Variants in ZNF335 observed in about 807,000 individuals in gnomAD.
ZNF335 encodes the protein zinc finger protein 335.
Under a neutral mutation model 145.6 loss-of-function variants are expected in ZNF335, and 84 were observed. The observed-to-expected ratio is 0.58, with a 90% CI of 0.48 to 0.69. The LOEUF is 0.69. Among genes scored for constraint, ZNF335 ranks in the 30% least tolerant of loss-of-function variants. ZNF335 has a pLI of 0.00. For missense variants in ZNF335, 1,865 were observed against 1,809.7 expected, an observed-to-expected ratio of 1.03 and a Z score of -0.55; for synonymous variants, 761 against 717.0, an observed-to-expected ratio of 1.06 and a Z score of -0.98.
intron 7 of ZNF335, 22 bp downstream of exon 7, chr20:45,965,606 C>T (rs2083936850): frequency 6.3e-7 from 1 of 1,583,592 alleles, no homozygotes; most frequent in Admixed American, 1.8e-5. Context: ...CCACACGAGC[C>T]CCTCCCAAGA....
At position 45,952,624 on chromosome 20, in the gene ZNF335, C is replaced by A. The variant is rs1568807883; in HGVS notation, c.2788G>T (p.Asp930Tyr). 1.2e-6 allele frequency: 2 copies of A among 1,613,978 alleles called. No homozygotes were observed. Among genetic ancestry groups the A allele is most frequent in the South Asian group, 1.1e-5 (1 of 91,078 alleles). Residue 930 changes from aspartate to tyrosine, a missense_variant, in exon 19 of 28, where the codon GAT (aspartate) becomes TAT (tyrosine). Coordinates refer to ENST00000322927, the MANE Select transcript of ZNF335 (RefSeq NM_022095.4). ...TCAATGTGGTGCAACTGGGTACCAT[C>A]AGTAGCCATGATGTAGTGGGTGCCA... ...EAGTHYIMAT[D>Y]GTQLHHIELT...
Position 45,968,370 on chromosome 20 carries a change from GA to G in ZNF335, c.443-9del. 1 of 1,608,138 alleles carries G rather than the reference GA, an allele frequency of 6.2e-7. No homozygotes were observed. On this transcript the variant is annotated splice_polypyrimidine_tract_variant and intron_variant, in intron 3 of 27. Coordinates refer to ENST00000322927, the MANE Select transcript of ZNF335 (RefSeq NM_022095.4). Reference sequence around the variant, plus strand: ...TGGTCACAGTGATGCAGTCTGGGCAGAGATGGGGAAGGGTCACACCTCCTGG... The same window carrying G: ...TGGTCACAGTGATGCAGTCTGGGCAGGATGGGGAAGGGTCACACCTCCTGG...
chr20:45,968,127 C>T, intron 4 of ZNF335, 100 bp from the exon 5 acceptor site: 1 of 1,541,500 alleles, frequency 6.5e-7, no homozygotes. Flanking sequence ...AGTGCAGAAC[C>T]AAATTCCCCA....
Position 45,959,419 on chromosome 20 carries a change from C to T in ZNF335, c.2035G>A (p.Ala679Thr), listed in dbSNP as rs776480511. 1.5e-5 allele frequency: 22 copies of T among 1,477,196 alleles called. No homozygotes were observed. In the Admixed American group the frequency reaches 2.5e-4, roughly 17 times the overall value. The allele number at this position is 1,477,196 out of a possible 1,614,324, so 91.5% of individuals were successfully genotyped here. A position where few individuals can be genotyped will look rare whatever the true frequency, so the allele number is the denominator to read the frequency against. Residue 679 changes from alanine to threonine, a missense_variant, in exon 15 of 28, where the codon GCC (alanine) becomes ACC (threonine). By Grantham distance (58) the Ala-to-Thr change is moderately conservative. Transcript: ENST00000322927. The stretch of plus-strand genomic sequence containing the variant: ...GTGCTGAAGTGGCAGTACTCACAGG[C>T]GAAGGGCTTGGCCCCTGGAGGCACA... ...AVKHTGAKPF[A>T]CEYCHFSTRH...
chr20:45,958,007 C>T (rs1165138094), intron 15 of ZNF335, 79 bp from the exon 16 acceptor site: 1 of 1,164,030 alleles, frequency 8.6e-7, no homozygotes, highest in Non-Finnish European at 1.3e-6. Flanking sequence ...CTCTGATCTG[C>T]CAGATGTTTT....
At position 45,952,383 on chromosome 20, in the gene ZNF335, C is replaced by T. The variant is rs79407773; in HGVS notation, c.2953G>A (p.Asp985Asn). Residue 985 changes from aspartate to asparagine, a missense_variant, in exon 20 of 28, where the codon GAC (aspartate) becomes AAC (asparagine). Physicochemically the swap from Asp to Asn is conservative, Grantham distance 23. Coordinates refer to ENST00000322927, the MANE Select transcript of ZNF335 (RefSeq NM_022095.4). ...GGTGAGGAGGCAGAGCTCTGGGAGTCCCCTACGCAGTGGGTCTTGGCTGGA... is the reference window on the plus strand; with the variant it reads ...GGTGAGGAGGCAGAGCTCTGGGAGTTCCCTACGCAGTGGGTCTTGGCTGGA... ...PSPAKTHCVG[D>N]SQSSASSPPA... The T allele has an allele frequency of 1.9e-6, 3 of 1,604,374 alleles. No homozygotes were observed. The highest frequency in any genetic ancestry group is 1.7e-6 in the Non-Finnish European group (2 of 1,174,084).
Position 45,950,417 on chromosome 20 carries a change from G to A in ZNF335, c.3332+36C>T, listed in dbSNP as rs762144927. The A allele has an allele frequency of 3.1e-6, 5 of 1,613,604 alleles. No homozygotes were observed. The South Asian group carries it at 5.5e-5, about 18-fold the overall frequency. On this transcript the variant is annotated intron_variant, in intron 21 of 27. Transcript: ENST00000322927. ...GGCTCAGGTTAGCTCCACCATACAT[G>A]CCCAGCAGTCCCCACCCACCAGTAT...
In ZNF335 at chr20:45,960,869, C is replaced by G; in HGVS notation, c.1660G>C (p.Asp554His). 1 of 1,613,890 alleles carries G rather than the reference C, an allele frequency of 6.2e-7. No individual in the cohort carries two copies. The highest frequency in any genetic ancestry group is 8.5e-7 in the Non-Finnish European group (1 of 1,179,926). Residue 554 changes from aspartate to histidine, a missense_variant, in exon 11 of 28, where the codon GAT becomes CAT. Asp to His is a moderately conservative substitution (Grantham distance 81, BLOSUM62 -1). Coordinates refer to ENST00000322927, the MANE Select transcript of ZNF335 (RefSeq NM_022095.4). ...GGCCAGCACGCCAGACTCACCGGAT[C>G]TGGCCTCTTCTTCCTGTGGGGAAAA... is the stretch of plus-strand genomic sequence containing the variant. ...VHSRDRKKRP[D>H]PTPKLSSFPC...
chr20:45,968,144 G>A, intron 4 of ZNF335, 117 bp from the exon 5 acceptor site: 2 of 1,514,558 alleles, frequency 1.3e-6, no homozygotes, highest in South Asian at 2.4e-5. Flanking sequence ...CCCACCAGAG[G>A]CCAACCCGTC....
In ZNF335 at chr20:45,968,337, C is replaced by G; in HGVS notation, c.468G>C (p.Glu156Asp). The change falls in exon 4 of 28, where the codon GAG becomes GAC. Residue 156 changes from glutamate (E) to aspartate (D), a missense_variant. Physicochemically the swap from Glu to Asp is conservative, Grantham distance 45. Coordinates refer to ENST00000322927, the MANE Select transcript of ZNF335 (RefSeq NM_022095.4). ...IQNCITVTSA[E>D]DGGAETTRYL... ...ACCGTGTGGTCTCGGCCCCGCCATCCTCAGCACTGGTCACAGTGATGCAGT... is the reference window on the plus strand; with the variant it reads ...ACCGTGTGGTCTCGGCCCCGCCATCGTCAGCACTGGTCACAGTGATGCAGT... 1.2e-6 allele frequency: 2 copies of G among 1,613,030 alleles called. No individual in the cohort carries two copies. Among genetic ancestry groups the G allele is most frequent in the Non-Finnish European group, 1.7e-6 (2 of 1,179,380 alleles).
intron 9 of ZNF335, among the ~76,000 whole-genome samples, chr20:45,962,453 G>A (rs940356235): frequency 2.0e-5 from 3 of 152,334 alleles, no homozygotes; most frequent in East Asian, 1.9e-4. Flanking sequence ...ACCTTGCGAT[G>A]GCAGAGCTTG....
intron 20 of ZNF335, among the ~76,000 whole-genome samples, chr20:45,951,079 A>G (rs1441375035): frequency 6.6e-6 from 1 of 152,186 alleles, no homozygotes; most frequent in Non-Finnish European, 1.5e-5. Context: ...TTTAGTAGAG[A>G]TGGGTTTTCT....
At chr20:45,956,456 G>A (rs1488228272) in intron 17 of ZNF335, among the ~76,000 whole-genome samples, 6 of 152,290 alleles carry the variant, frequency 3.9e-5, no homozygotes, top group Middle Eastern at 3.4e-3. Flanking sequence ...TCGAACTCCT[G>A]ACCTCAGGTG....
chr20:45,948,927 C>A lies in ZNF335; in HGVS notation c.*26G>T. The A allele has an allele frequency of 6.2e-7, 1 of 1,613,672 alleles. No homozygotes were observed. The highest frequency in any genetic ancestry group is 8.5e-7 in the Non-Finnish European group (1 of 1,180,006). On this transcript the variant is annotated 3_prime_UTR_variant, in exon 28 of 28. Coordinates refer to ENST00000322927, the MANE Select transcript of ZNF335 (RefSeq NM_022095.4). ...CCCCCAGGAGAGCTGGCCGCAAATC[C>A]ATGATCTGTGTTGGGCCCTCGGGGC...
chr20:45,952,250 G>C lies in ZNF335; in HGVS notation c.3086C>G (p.Pro1029Arg), dbSNP rs1003819595. The C allele has an allele frequency of 4.3e-6, 7 of 1,613,258 alleles. No homozygotes were observed. In the South Asian group the frequency reaches 7.7e-5, roughly 18 times the overall value. The change falls in exon 20 of 28, where the codon CCT becomes CGT. Residue 1029 changes from proline to arginine, a missense_variant. Transcript: ENST00000322927. ...FSCKICAEAF[P>R]GRAEMESHKR... ...GTGACTCTCCATCTCAGCTCGGCCA[G>C]GGAAGGCCTCGGCACAGATCTTGCA...
chr20:45,964,356 A>C, intron 7 of ZNF335: 1 of 195,144 alleles, frequency 5.1e-6, no homozygotes, highest in Non-Finnish European at 1.0e-5. Context: ...GGAGGCCAGA[A>C]TGGCGGCTTT....
At chr20:45,967,419 C>A in intron 6 of ZNF335, 75 bp downstream of exon 6, 1 of 1,611,004 alleles carries the variant, frequency 6.2e-7, no homozygotes, top group Non-Finnish European at 8.5e-7. Context: ...TCTTTACTGG[C>A]CCTCCAAGTG....
rs142289592 is a variant in ZNF335 at position 45,951,415 on chromosome 20, C to T, written c.3189+732G>A. ...CTCCATGGTGGCTCCCCAACCACCTCGAACCTCTGTGCCCTCAGTATTCTA... is the reference window on the plus strand; with the variant it reads ...CTCCATGGTGGCTCCCCAACCACCTTGAACCTCTGTGCCCTCAGTATTCTA... On this transcript the variant is annotated intron_variant, in intron 20 of 27. Coordinates refer to ENST00000322927, the MANE Select transcript of ZNF335 (RefSeq NM_022095.4). Among the ~76,000 whole-genome samples, 20 of 152,386 alleles carry T rather than the reference C, an allele frequency of 1.3e-4. No individual in the cohort carries two copies. In the East Asian group the frequency reaches 2.9e-3, roughly 22 times the overall value.
chr20:45,963,410 C>T, intron 9 of ZNF335, 63 bp downstream of exon 9: 1 of 1,550,012 alleles, frequency 6.5e-7, no homozygotes, highest in Non-Finnish European at 8.8e-7. Context: ...TCAGTGGCAC[C>T]AGCTGGCCTC....
Sources: gnomAD v4.1 joint callset for allele counts (sites outside exome capture counted in the v4.1 genomes callset) on GRCh38, gnomAD v4.1.1 for gene constraint, MANE v1.5 for transcripts, NCBI Gene and HGNC (gene_info 2026-07-23, HGNC 2026-07-21) for gene names.